The following PIP5K1B variants were observed in gnomAD, a reference collection of about 807,000 sequenced individuals.
The protein encoded by PIP5K1B is phosphatidylinositol-4-phosphate 5-kinase type 1 beta.
In PIP5K1B, 42 loss-of-function variants were observed where a neutral mutation model predicts 67.0. That is an observed-to-expected ratio of 0.63 (90% CI 0.49 to 0.81). PIP5K1B has a LOEUF of 0.81. Ranked by LOEUF, PIP5K1B falls within the 30% of genes least tolerant of loss-of-function variation. The pLI is 0.00. For synonymous variants in PIP5K1B, 214 were observed against 231.4 expected (o/e 0.92, Z 0.68); for missense variants, 459 against 646.3 (o/e 0.71, Z 3.14).
At chr9:68,715,842 G>A (rs1335142536) in intron 1 of PIP5K1B, among the ~76,000 whole-genome samples, 1 of 152,154 alleles carries the variant, frequency 6.6e-6, no homozygotes, top group Non-Finnish European at 1.5e-5. Context: ...CATTACCACT[G>A]CCTAATTTCA....
chr9:68,924,129 A>AT (rs1479397704), intron 12 of PIP5K1B, among the ~76,000 whole-genome samples: 4 of 149,528 alleles, frequency 2.7e-5, no homozygotes, highest in African/African-American at 9.8e-5. Context: ...AAAAAAAAAA[A>AT]GGAGGCCGGG....
At chr9:68,898,903 C>A (rs1825225624) in intron 8 of PIP5K1B, among the ~76,000 whole-genome samples, 1 of 152,242 alleles carries the variant, frequency 6.6e-6, no homozygotes, top group African/African-American at 2.4e-5. Context: ...CACATCCCCA[C>A]CACTGCTGCC....
At chr9:69,007,806 G>A (rs1253809872) in intron 15 of PIP5K1B, among the ~76,000 whole-genome samples, 1 of 151,770 alleles carries the variant, frequency 6.6e-6, no homozygotes, top group Non-Finnish European at 1.5e-5. Flanking sequence ...GCGGTGAGCT[G>A]AGATCTTGCC....
chr9:68,987,256 A>T (rs996672163), intron 14 of PIP5K1B, among the ~76,000 whole-genome samples: 8 of 149,902 alleles, frequency 5.3e-5, no homozygotes, highest in Admixed American at 2.0e-4. Context: ...CTGTCTCAAA[A>T]TAATTAATTA....
At chr9:68,730,731 C>A (rs1382170477) in intron 1 of PIP5K1B, among the ~76,000 whole-genome samples, 1 of 152,112 alleles carries the variant, frequency 6.6e-6, no homozygotes, top group African/African-American at 2.4e-5. Flanking sequence ...CTTGTCACAC[C>A]AAGTTGTATT....
At chr9:68,904,285 G>A (rs1026200864) in intron 8 of PIP5K1B, among the ~76,000 whole-genome samples, 1 of 152,190 alleles carries the variant, frequency 6.6e-6, no homozygotes, top group Non-Finnish European at 1.5e-5. Flanking sequence ...TAGGCAGCAT[G>A]GGCTAGAAGT....
At chr9:68,991,744 G>A (rs1830373212) in intron 15 of PIP5K1B, among the ~76,000 whole-genome samples, 1 of 152,152 alleles carries the variant, frequency 6.6e-6, no homozygotes, top group Non-Finnish European at 1.5e-5. Context: ...GAACCTTTCT[G>A]ACTGCCTAAG....
At chr9:68,792,123 C>T (rs1270366812) in intron 2 of PIP5K1B, among the ~76,000 whole-genome samples, 1 of 152,220 alleles carries the variant, frequency 6.6e-6, no homozygotes, top group African/African-American at 2.4e-5. Context: ...CTGTTGTTCC[C>T]AGGGCTTCCC....
chr9:68,785,751 C>G (rs1016408168), intron 2 of PIP5K1B, among the ~76,000 whole-genome samples: 2 of 152,114 alleles, frequency 1.3e-5, no homozygotes, highest in Non-Finnish European at 2.9e-5. Context: ...GACAGTGGAG[C>G]AGGGTGGCTG....
At chr9:69,008,068 A>G (rs1403771563) in intron 15 of PIP5K1B, among the ~76,000 whole-genome samples, 1 of 152,142 alleles carries the variant, frequency 6.6e-6, no homozygotes, top group Non-Finnish European at 1.5e-5. Flanking sequence ...GGAAAAAAAC[A>G]TTTACAAGTT....
At chr9:68,832,143 G>C (rs1834359366) in intron 4 of PIP5K1B, among the ~76,000 whole-genome samples, 1 of 152,114 alleles carries the variant, frequency 6.6e-6, no homozygotes, top group South Asian at 2.1e-4. Flanking sequence ...AAATCCCTTG[G>C]GCACTGTGCA....
chr9:68,830,078 G>A (rs542012770), intron 4 of PIP5K1B, among the ~76,000 whole-genome samples: 1 of 152,104 alleles, frequency 6.6e-6, no homozygotes, highest in African/African-American at 2.4e-5. Flanking sequence ...GCTCTTACTA[G>A]TAAACGGGTG....
chr9:68,885,258 C>G (rs919471558), intron 6 of PIP5K1B, among the ~76,000 whole-genome samples: 1 of 152,018 alleles, frequency 6.6e-6, no homozygotes, highest in Non-Finnish European at 1.5e-5. Context: ...CTAGAAAAAT[C>G]GAACTCATTG....
chr9:68,914,008 A>G (rs569628110), intron 8 of PIP5K1B, among the ~76,000 whole-genome samples: 3 of 152,280 alleles, frequency 2.0e-5, no homozygotes, highest in South Asian at 2.1e-4. Flanking sequence ...TGGGCCGGGA[A>G]AAAAGACTGC....
chr9:68,987,761 G>A (rs1032513561), intron 14 of PIP5K1B, among the ~76,000 whole-genome samples: 9 of 152,072 alleles, frequency 5.9e-5, no homozygotes, highest in South Asian at 4.2e-4. Flanking sequence ...TGGCAGTGGC[G>A]AGGGAGAATG....
At chr9:68,731,518 G>T (rs991331720) in intron 1 of PIP5K1B, among the ~76,000 whole-genome samples, 1 of 152,212 alleles carries the variant, frequency 6.6e-6, no homozygotes, top group Non-Finnish European at 1.5e-5. Flanking sequence ...AAGGTGCGGA[G>T]GGCAAAGGGG....
At chr9:68,773,445 A>G (rs1383572909) in intron 2 of PIP5K1B, among the ~76,000 whole-genome samples, 1 of 152,226 alleles carries the variant, frequency 6.6e-6, no homozygotes, top group Admixed American at 6.5e-5. Context: ...TTCTATTCAA[A>G]AGACTTAAGG....
chr9:68,872,592 G>C (rs1047071157), intron 5 of PIP5K1B, among the ~76,000 whole-genome samples: 4 of 152,208 alleles, frequency 2.6e-5, no homozygotes, highest in African/African-American at 9.6e-5. Context: ...GGAATACTGT[G>C]AAGAGTTCCT....
At chr9:68,988,847 A>G (rs1830225160) in intron 14 of PIP5K1B, among the ~76,000 whole-genome samples, 1 of 151,796 alleles carries the variant, frequency 6.6e-6, no homozygotes, top group Non-Finnish European at 1.5e-5. Flanking sequence ...CTGTAGTCCC[A>G]GCATTTTGGG....
Sources: gnomAD v4.1 joint callset for allele counts (sites outside exome capture counted in the v4.1 genomes callset) on GRCh38, gnomAD v4.1.1 for gene constraint, MANE v1.5 for transcripts, NCBI Gene and HGNC (gene_info 2026-07-23, HGNC 2026-07-21) for gene names.